The following DCLRE1C variants were observed in gnomAD, a reference collection of about 807,000 sequenced individuals.
DCLRE1C encodes protein artemis.
DCLRE1C carries 47 observed loss-of-function variants against 61.4 expected under a neutral mutation model. The observed-to-expected ratio is 0.77, with a 90% CI of 0.61 to 0.98. The LOEUF (loss-of-function observed/expected upper bound fraction) is 0.98, where lower values mean the gene tolerates loss of function less well. Ranked by LOEUF, DCLRE1C falls within the 50% of genes least tolerant of loss-of-function variation. The pLI, the probability that DCLRE1C is intolerant of heterozygous loss-of-function variation, is 0.00. For synonymous variants in DCLRE1C, 337 were observed against 287.6 expected (o/e 1.17, Z -1.74); for missense variants, 858 against 816.0 (o/e 1.05, Z -0.63).
intron 1 of DCLRE1C, among the ~76,000 whole-genome samples, chr10:14,949,732 AT>A (rs1173993425): frequency 6.6e-6 from 1 of 152,264 alleles, no homozygotes; most frequent in East Asian, 1.9e-4. Context: ...GACAACAATG[AT>A]CAAACAGCTC....
downstream of DCLRE1C, chr10:14,901,039 A>T: frequency 6.7e-7 from 1 of 1,494,820 alleles, no homozygotes; most frequent in Non-Finnish European, 9.0e-7. Context: ...TGGAACTTAA[A>T]CTAAATCTCT....
In DCLRE1C at chr10:14,928,121, G is replaced by C. The variant is rs368562787; in HGVS notation, c.812C>G (p.Pro271Arg). ...AEEYFQWSKL[P>R]CGITSRNRIP... ...TCTATTTCTGGAAGTAATTCCACAG[G>C]GTAATTTGCTCCACTGAAAATATTC... The change falls in exon 10 of 14, where the codon CCC (proline) becomes CGC (arginine). Residue 271 changes from proline to arginine, a missense_variant. Coordinates refer to ENST00000378278, the MANE Select transcript of DCLRE1C (RefSeq NM_001033855.3). 19 of 1,613,220 alleles carry C rather than the reference G, an allele frequency of 1.2e-5. No individual in the cohort carries two copies. The highest frequency in any genetic ancestry group is 1.5e-5 in the Non-Finnish European group (18 of 1,179,504).
chr10:14,908,368 G>A lies in DCLRE1C; in HGVS notation c.*40C>T. On this transcript the variant is annotated 3_prime_UTR_variant, in exon 14 of 14. Transcript: ENST00000378278. ...AATATTGACTGTCATCTCTGTGCAG[G>A]TTTTTTAGTGGTTGCTCTAGGTTGA... 3 of 1,478,078 alleles carry A rather than the reference G, an allele frequency of 2.0e-6. No homozygotes were observed. Among genetic ancestry groups the A allele is most frequent in the Non-Finnish European group, 2.8e-6 (3 of 1,058,866 alleles). The allele number at this position is 1,478,078 out of a possible 1,614,324, so 91.6% of individuals were successfully genotyped here. A position where few individuals can be genotyped will look rare whatever the true frequency, so the allele number is the denominator to read the frequency against.
In DCLRE1C at chr10:14,907,985, C is replaced by T. The variant is rs1834589652; in HGVS notation, c.*423G>A. On this transcript the variant is annotated 3_prime_UTR_variant, in exon 14 of 14. Coordinates refer to ENST00000378278, the MANE Select transcript of DCLRE1C (RefSeq NM_001033855.3). Reference sequence around the variant, plus strand: ...CAAGTGATTCTCCTGCCTTGGCCTCCTGCGTAGCTGGGATTACAGGCATGA... The same window carrying T: ...CAAGTGATTCTCCTGCCTTGGCCTCTTGCGTAGCTGGGATTACAGGCATGA... 6.3e-6 allele frequency: 1 copy of T among 159,996 alleles called. No individual in the cohort carries two copies. The highest frequency in any genetic ancestry group is 1.3e-5 in the Non-Finnish European group (1 of 74,786). The allele number at this position is 159,996 out of a possible 1,614,324, so 9.9% of individuals were successfully genotyped here.
intron 13 of DCLRE1C, among the ~76,000 whole-genome samples, chr10:14,910,460 A>G (rs924448211): frequency 6.6e-6 from 1 of 152,062 alleles, no homozygotes; most frequent in Non-Finnish European, 1.5e-5. Context: ...ATCCACCCCC[A>G]TGCCCAGCTA....
chr10:14,929,988 C>G (rs1195435227), intron 9 of DCLRE1C, among the ~76,000 whole-genome samples: 1 of 152,174 alleles, frequency 6.6e-6, no homozygotes, highest in Non-Finnish European at 1.5e-5. Context: ...AAAGGAATTA[C>G]TAACTAAGCT....
intron 5 of DCLRE1C, 28 bp downstream of exon 5, chr10:14,936,510 A>G: frequency 4.4e-6 from 7 of 1,590,822 alleles, no homozygotes; most frequent in Non-Finnish European, 6.0e-6. Flanking sequence ...TACATATAAT[A>G]AAATGACAAA....
intron 13 of DCLRE1C, among the ~76,000 whole-genome samples, chr10:14,916,519 T>C (rs1457436010): frequency 6.6e-6 from 1 of 152,220 alleles, no homozygotes; most frequent in Non-Finnish European, 1.5e-5. Context: ...GTTCAACCAT[T>C]AAATGCAAAT....
intron 9 of DCLRE1C, among the ~76,000 whole-genome samples, chr10:14,929,024 C>A (rs1589025646): frequency 6.6e-6 from 1 of 152,138 alleles, no homozygotes; most frequent in African/African-American, 2.4e-5. Flanking sequence ...AAGAGATCTG[C>A]CCACCTTGGC....
At chr10:14,900,442 A>G (rs933234060), downstream of DCLRE1C, among the ~76,000 whole-genome samples, 2 of 152,212 alleles carry the variant, frequency 1.3e-5, no homozygotes, top group South Asian at 2.1e-4. Flanking sequence ...GATGGATTTC[A>G]TAGTAAGAAA....
chr10:14,907,814 G>T lies in DCLRE1C; in HGVS notation c.*594C>A, dbSNP rs2131758172. On this transcript the variant is annotated 3_prime_UTR_variant, in exon 14 of 14. Coordinates refer to ENST00000378278, the MANE Select transcript of DCLRE1C (RefSeq NM_001033855.3). ...TGCACTTAGACCATTTACATTTAAT[G>T]TAATCATTGATACGTATGGGTTTAG... The T allele has an allele frequency of 7.0e-6, 1 of 141,958 alleles. No homozygotes were observed. Among genetic ancestry groups the T allele is most frequent in the East Asian group, 2.1e-4 (1 of 4,794 alleles). 8.8% of individuals were successfully genotyped at this position (141,958 alleles called of 1,614,324 possible).
At position 14,907,571 on chromosome 10, in the gene DCLRE1C, A is replaced by G. The variant is rs942832147; in HGVS notation, c.*837T>C. ...CTTTTCAGCTGTTCTAGCTTCATAAATTTTTGGAGCTGTTAGGTGCATATA... is the reference window on the plus strand; with the variant it reads ...CTTTTCAGCTGTTCTAGCTTCATAAGTTTTTGGAGCTGTTAGGTGCATATA... On this transcript the variant is annotated 3_prime_UTR_variant, in exon 14 of 14. Coordinates refer to ENST00000378278, the MANE Select transcript of DCLRE1C (RefSeq NM_001033855.3). Among the ~76,000 whole-genome samples, 2 of 152,020 alleles carry G rather than the reference A, an allele frequency of 1.3e-5. No homozygotes were observed. The highest frequency in any genetic ancestry group is 6.6e-5 in the Admixed American group (1 of 15,256).
At chr10:14,898,813 A>G in exon 14 of DCLRE1C, 1 of 164,036 alleles carries the variant, frequency 6.1e-6, no homozygotes, top group Non-Finnish European at 1.3e-5. Context: ...TCCAAAGTTA[A>G]CATAGCTTCT....
chr10:14,903,664 AGGGAGTG>A (rs1834166926), downstream of DCLRE1C: 1 of 152,188 alleles, frequency 6.6e-6, no homozygotes, highest in Non-Finnish European at 1.5e-5. Flanking sequence ...TTAGTTTTCA[AGGGAGTG>A]GGAGGCTTCC....
intron 1 of DCLRE1C, 103 bp from the exon 2 acceptor site, chr10:14,949,190 G>T: frequency 1.2e-6 from 1 of 803,906 alleles, no homozygotes; most frequent in East Asian, 2.6e-5. Flanking sequence ...GAAAACCCAT[G>T]AGGTTTGCTT....
chr10:14,929,129 T>G (rs34838039), intron 9 of DCLRE1C, among the ~76,000 whole-genome samples: 26,654 of 152,000 alleles, frequency 0.18, 2,403 homozygotes, highest in Middle Eastern at 0.21. Flanking sequence ...TCAGGGCCGG[T>G]TGTGGTGGCT....
chr10:14,940,112 A>G (rs1840620550), intron 3 of DCLRE1C, among the ~76,000 whole-genome samples: 1 of 152,092 alleles, frequency 6.6e-6, no homozygotes, highest in African/African-American at 2.4e-5. Context: ...CCTCTGACAC[A>G]ATTCTGTTTC....
In DCLRE1C at chr10:14,908,165, C is replaced by CTTTTTTTTT. The variant is rs750020058; in HGVS notation, c.*234_*242dup. ...CAGAGTAGCCCACCACCATGCCTGG[C>CTTTTTTTTT]TTTTTTTTTTTTTTTTTTTTTTGTA... On this transcript the variant is annotated 3_prime_UTR_variant, in exon 14 of 14. Coordinates refer to ENST00000378278, the MANE Select transcript of DCLRE1C (RefSeq NM_001033855.3). 1,425 of 197,806 alleles carry CTTTTTTTTT rather than the reference C, an allele frequency of 7.2e-3. 191 individuals carry two copies. Among genetic ancestry groups the CTTTTTTTTT allele is most frequent in the East Asian group, 0.025 (141 of 5,624 alleles). 12.3% of individuals were successfully genotyped at this position (197,806 alleles called of 1,614,324 possible).
At chr10:14,931,714 A>G (rs1023642401) in intron 9 of DCLRE1C, among the ~76,000 whole-genome samples, 22 of 152,140 alleles carry the variant, frequency 1.4e-4, no homozygotes, top group Non-Finnish European at 1.5e-5. Context: ...AGTAGAAGAA[A>G]AAGTTTATAA....
Sources: allele counts gnomAD v4.1 joint callset (sites outside exome capture counted in the v4.1 genomes callset), GRCh38; gene constraint gnomAD v4.1.1; transcripts MANE v1.5; gene names NCBI Gene and HGNC (gene_info 2026-07-23, HGNC 2026-07-21).